The following ARHGAP12 variants were observed in gnomAD, a reference collection of about 807,000 sequenced individuals.
ARHGAP12 encodes Rho GTPase activating protein 12.
In ARHGAP12, 64 loss-of-function variants were observed where a neutral mutation model predicts 108.6. The ratio of observed to expected loss-of-function variants is 0.59; its 90% CI spans 0.48 to 0.73. The LOEUF (loss-of-function observed/expected upper bound fraction) is 0.73, where lower values mean the gene tolerates loss of function less well. Ranked by LOEUF, ARHGAP12 falls within the 30% of genes least tolerant of loss-of-function variation. The probability of loss-of-function intolerance (pLI) is 0.00; values close to 1 mark genes in which losing one functional copy is unlikely to be tolerated. For synonymous variants in ARHGAP12, 312 were observed against 337.2 expected (o/e 0.93, Z 0.82); for missense variants, 940 against 1,005.9 (o/e 0.93, Z 0.89).
intron 3 of ARHGAP12, among the ~76,000 whole-genome samples, chr10:31,866,865 G>A (rs897085053): frequency 5.9e-5 from 9 of 151,952 alleles, no homozygotes; most frequent in Admixed American, 5.2e-4. Flanking sequence ...TGATCCACCC[G>A]CCTCGGCCTC....
intron 3 of ARHGAP12, among the ~76,000 whole-genome samples, chr10:31,893,270 C>A (rs1174708633): frequency 6.6e-6 from 1 of 151,968 alleles, no homozygotes; most frequent in Non-Finnish European, 1.5e-5. Context: ...CTGAAGGAGA[C>A]AGAGACACAA....
In ARHGAP12 at chr10:31,806,685, A is replaced by G. The variant is rs1834834448; in HGVS notation, c.*973T>C. 1 of 152,612 alleles carries G rather than the reference A, an allele frequency of 6.6e-6. No individual in the cohort carries two copies. Among genetic ancestry groups the G allele is most frequent in the African/African-American group, 2.4e-5 (1 of 41,450 alleles). 9.5% of individuals were successfully genotyped at this position (152,612 alleles called of 1,614,324 possible). A position where few individuals can be genotyped will look rare whatever the true frequency, so the allele number is the denominator to read the frequency against. ...ATTCTCATTACAGTGATTTGCCTGTAAATGTAGTTAATATCTAAAAGTGCA... is the reference window on the plus strand; with the variant it reads ...ATTCTCATTACAGTGATTTGCCTGTGAATGTAGTTAATATCTAAAAGTGCA... On this transcript the variant is annotated 3_prime_UTR_variant, in exon 20 of 20. Transcript: ENST00000344936.
chr10:31,839,215 T>A, intron 9 of ARHGAP12, 90 bp downstream of exon 9: 2 of 1,343,990 alleles, frequency 1.5e-6, no homozygotes, highest in South Asian at 2.6e-5. Flanking sequence ...TTATTTCCAA[T>A]ATTCATCTGG....
intron 3 of ARHGAP12, among the ~76,000 whole-genome samples, chr10:31,903,810 G>GA (rs373779262): frequency 9.4e-4 from 142 of 150,844 alleles, no homozygotes; most frequent in African/African-American, 3.4e-3. Context: ...AAGACATGCA[G>GA]AAACATTTCA....
At chr10:31,886,826 C>T (rs1838206748) in intron 3 of ARHGAP12, among the ~76,000 whole-genome samples, 1 of 152,160 alleles carries the variant, frequency 6.6e-6, no homozygotes, top group Non-Finnish European at 1.5e-5. Context: ...AATCAGAGTG[C>T]TTAACCTAGC....
intron 3 of ARHGAP12, among the ~76,000 whole-genome samples, chr10:31,898,199 A>G (rs1838782728): frequency 6.6e-6 from 1 of 152,214 alleles, no homozygotes; most frequent in Non-Finnish European, 1.5e-5. Context: ...CCTAAACTAT[A>G]TAACGAATTC....
chr10:31,861,164 C>T (rs1837098471), intron 4 of ARHGAP12, among the ~76,000 whole-genome samples: 1 of 152,160 alleles, frequency 6.6e-6, no homozygotes, highest in South Asian at 2.1e-4. Context: ...ACAACTTAAA[C>T]CCAGTTCTGG....
intron 10 of ARHGAP12, 46 bp downstream of exon 10, chr10:31,831,690 ATTT>A (rs2132203999): frequency 1.6e-6 from 2 of 1,289,538 alleles, no homozygotes; most frequent in East Asian, 4.8e-5. Context: ...AGAATTTTTA[ATTT>A]ATTTCAGATG....
intron 3 of ARHGAP12, among the ~76,000 whole-genome samples, chr10:31,884,960 A>T (rs1169789987): frequency 1.3e-5 from 2 of 151,802 alleles, no homozygotes; most frequent in African/African-American, 4.8e-5. Flanking sequence ...ATTTTTTTTT[A>T]ATTTTGGGGG....
chr10:31,812,142 CT>C (rs1246949191), intron 15 of ARHGAP12, among the ~76,000 whole-genome samples: 1 of 151,626 alleles, frequency 6.6e-6, no homozygotes, highest in Non-Finnish European at 1.5e-5. Flanking sequence ...AAAATTTTAC[CT>C]TTGGAATTAA....
intron 3 of ARHGAP12, among the ~76,000 whole-genome samples, chr10:31,890,951 G>C (rs1322792755): frequency 6.6e-6 from 1 of 151,880 alleles, no homozygotes; most frequent in African/African-American, 2.4e-5. Flanking sequence ...TTCCTACTTT[G>C]TAAATATATG....
chr10:31,858,163 A>G (rs2808086), intron 4 of ARHGAP12, among the ~76,000 whole-genome samples: 151,314 of 152,326 alleles, frequency 0.99, 75,161 homozygotes, highest in East Asian at 1. Flanking sequence ...TATGACCACA[A>G]CACTGTACCC....
At position 31,809,138 on chromosome 10, in the gene ARHGAP12, A is replaced by G. The variant is rs1216371338; in HGVS notation, c.2129-10T>C. Reference sequence around the variant, plus strand: ...AAGTCCAATTTCTCATCTGAAAAACAGCAGGAATTGGACATTTTAAAAAAT... The same window carrying G: ...AAGTCCAATTTCTCATCTGAAAAACGGCAGGAATTGGACATTTTAAAAAAT... On this transcript the variant is annotated splice_polypyrimidine_tract_variant and intron_variant, in intron 17 of 19. Coordinates refer to ENST00000344936, the MANE Select transcript of ARHGAP12 (RefSeq NM_018287.7). 6.2e-7 allele frequency: 1 copy of G among 1,613,262 alleles called. No individual in the cohort carries two copies. The highest frequency in any genetic ancestry group is 1.1e-5 in the South Asian group (1 of 90,972).
chr10:31,869,169 GCTTT>G (rs1171186919), intron 3 of ARHGAP12, among the ~76,000 whole-genome samples: 1 of 152,032 alleles, frequency 6.6e-6, no homozygotes, highest in Non-Finnish European at 1.5e-5. Context: ...ATAAAAATCA[GCTTT>G]CTAACATTTA....
At chr10:31,920,465 A>G (rs565896608) in intron 1 of ARHGAP12, among the ~76,000 whole-genome samples, 11 of 151,168 alleles carry the variant, frequency 7.3e-5, no homozygotes, top group African/African-American at 2.4e-4. Flanking sequence ...AAAAAAAAAA[A>G]AAAAAAGAAA....
chr10:31,884,429 G>C (rs1168836673), intron 3 of ARHGAP12, among the ~76,000 whole-genome samples: 1 of 151,466 alleles, frequency 6.6e-6, no homozygotes, highest in Non-Finnish European at 1.5e-5. Context: ...TTTGGTTGAA[G>C]TACATAAACA....
intron 4 of ARHGAP12, among the ~76,000 whole-genome samples, chr10:31,856,470 T>TG (rs1158141950): frequency 3.3e-5 from 5 of 152,192 alleles, no homozygotes; most frequent in African/African-American, 9.7e-5. Flanking sequence ...TAACAAATTT[T>TG]GCTCCTTTAT....
intron 14 of ARHGAP12, 32 bp from the exon 15 acceptor site, chr10:31,812,855 G>T: frequency 7.5e-7 from 1 of 1,329,794 alleles, no homozygotes; most frequent in Non-Finnish European, 1.0e-6. Flanking sequence ...ATGAGCATTT[G>T]TAAAAATAAA....
At chr10:31,846,624 G>T (rs1390790469) in intron 6 of ARHGAP12, among the ~76,000 whole-genome samples, 1 of 152,102 alleles carries the variant, frequency 6.6e-6, no homozygotes, top group African/African-American at 2.4e-5. Flanking sequence ...TCACTGAAGG[G>T]CTTTCAAGAC....
Sources: allele counts gnomAD v4.1 joint callset (sites outside exome capture counted in the v4.1 genomes callset), GRCh38; gene constraint gnomAD v4.1.1; transcripts MANE v1.5; gene names NCBI Gene and HGNC (gene_info 2026-07-23, HGNC 2026-07-21).